Variants in PPFIA1 observed in about 807,000 individuals in gnomAD.
PPFIA1 encodes PPFI scaffold protein A1.
PPFIA1 carries 25 observed loss-of-function variants against 149.9 expected under a neutral mutation model. The observed-to-expected ratio is 0.17, with a 90% confidence interval of 0.12 to 0.23. PPFIA1 has a LOEUF of 0.23. Among genes scored for constraint, PPFIA1 ranks in the 10% least tolerant of loss-of-function variants. PPFIA1 has a pLI of 1.00. For synonymous variants in PPFIA1, 549 were observed against 552.8 expected (o/e 0.99, Z 0.10); for missense variants, 1,362 against 1,506.5 (o/e 0.90, Z 1.59).
At chr11:70,376,476 C>T (rs2057495485) in intron 24 of PPFIA1, 56 bp from the exon 25 acceptor site, 20 of 1,506,398 alleles carry the variant, frequency 1.3e-5, no homozygotes, top group Non-Finnish European at 1.8e-5. Context: ...ACGATGCTAA[C>T]ACCCTTCAAA....
intron 19 of PPFIA1, among the ~76,000 whole-genome samples, chr11:70,360,963 G>A (rs1187444514): frequency 6.6e-6 from 1 of 152,140 alleles, no homozygotes; most frequent in Non-Finnish European, 1.5e-5. Context: ...TAGCCTCTTT[G>A]AAAGCCTTGT....
intron 26 of PPFIA1, among the ~76,000 whole-genome samples, chr11:70,379,119 C>T (rs1473367492): frequency 6.6e-6 from 1 of 152,082 alleles, no homozygotes; most frequent in African/African-American, 2.4e-5. Flanking sequence ...GTTCTGAGCC[C>T]GTGTCAGTCG....
At chr11:70,310,310 C>T (rs1268847787) in intron 2 of PPFIA1, among the ~76,000 whole-genome samples, 1 of 151,918 alleles carries the variant, frequency 6.6e-6, no homozygotes, top group African/African-American at 2.4e-5. Flanking sequence ...TTTAGAAACA[C>T]ACAAATGCAC....
chr11:70,360,932 CTT>C (rs927646219), intron 19 of PPFIA1, among the ~76,000 whole-genome samples: 15 of 152,200 alleles, frequency 9.9e-5, no homozygotes, highest in African/African-American at 2.7e-4. Context: ...CTCTCTGAGA[CTT>C]TTTATTTTTT....
intron 19 of PPFIA1, among the ~76,000 whole-genome samples, chr11:70,359,015 A>G (rs1007945711): frequency 3.3e-5 from 5 of 152,022 alleles, no homozygotes; most frequent in African/African-American, 1.2e-4. Context: ...GACTCGGGAG[A>G]TTTGCTGGGC....
At chr11:70,346,178 GAC>G (rs1459824788) in intron 15 of PPFIA1, among the ~76,000 whole-genome samples, 4 of 152,222 alleles carry the variant, frequency 2.6e-5, no homozygotes, top group African/African-American at 7.2e-5. Context: ...TTGGCCTAGG[GAC>G]ACAGCAGTGT....
intron 7 of PPFIA1, among the ~76,000 whole-genome samples, chr11:70,329,459 A>G (rs4980779): frequency 2.0e-5 from 3 of 151,784 alleles, no homozygotes; most frequent in Non-Finnish European, 2.9e-5. Context: ...TTATTTATTT[A>G]TTTTTGAGAC....
intron 26 of PPFIA1, chr11:70,378,653 T>G: frequency 5.5e-6 from 1 of 182,714 alleles, no homozygotes; most frequent in African/African-American, 2.4e-5. Flanking sequence ...TGCCTATGCT[T>G]TCTGCCCTCC....
rs1264510192 is a variant in PPFIA1, at chr11:70,382,431, CTG to C, written c.*12+276_*12+277del. Among the ~76,000 whole-genome samples the C allele has an allele frequency of 7.9e-5, 12 of 152,040 alleles. No individual in the cohort carries two copies. In the South Asian group the frequency reaches 2.5e-3, roughly 32 times the overall value. On this transcript the variant is annotated intron_variant, in intron 27 of 27. Transcript: ENST00000253925. ...GAAAATGCTGACTCATTTTAATTGT[CTG>C]TGGATGTCATGGGGGTGGAGTGGGG...
At chr11:70,305,594 C>T (rs1014953849) in intron 2 of PPFIA1, among the ~76,000 whole-genome samples, 1 of 152,120 alleles carries the variant, frequency 6.6e-6, no homozygotes, top group African/African-American at 2.4e-5. Flanking sequence ...TGGTCTCGAA[C>T]TCCTGAGGTC....
rs1293264198 is a variant in PPFIA1 at position 70,312,560 on chromosome 11, G to A, written c.265-11842G>A. ...CAGGAGTGTTGATTCAGCAAGGTGAGGCCCAGGAGTCTGCATTTGAATCAG... is the reference window on the plus strand; with the variant it reads ...CAGGAGTGTTGATTCAGCAAGGTGAAGCCCAGGAGTCTGCATTTGAATCAG... On this transcript the variant is annotated intron_variant, in intron 2 of 27. Coordinates refer to ENST00000253925, the MANE Select transcript of PPFIA1 (RefSeq NM_003626.5). 3.3e-5 allele frequency among the ~76,000 whole-genome samples: 5 copies of A among 152,138 alleles called. No individual in the cohort carries two copies. The South Asian group carries it at 1.0e-3, about 31-fold the overall frequency.
At chr11:70,376,281 A>T (rs2057488003) in intron 24 of PPFIA1, among the ~76,000 whole-genome samples, 1 of 151,976 alleles carries the variant, frequency 6.6e-6, no homozygotes, top group Non-Finnish European at 1.5e-5. Flanking sequence ...GAGCCACCAC[A>T]CCCAGGCCCT....
At chr11:70,332,898 G>T (rs1308463574) in intron 9 of PPFIA1, 1 of 399,162 alleles carries the variant, frequency 2.5e-6, no homozygotes, top group Non-Finnish European at 5.2e-6. Flanking sequence ...TCACACACCT[G>T]TTCCTTCTAG....
chr11:70,283,838 G>A (rs2050926021), intron 2 of PPFIA1: 2 of 430,968 alleles, frequency 4.6e-6, no homozygotes, highest in Admixed American at 5.8e-5. Context: ...GGTATTTGTG[G>A]TTGTCACAGC....
intron 2 of PPFIA1, among the ~76,000 whole-genome samples, chr11:70,320,436 CTTTT>C (rs34619705): frequency 1.6e-4 from 21 of 128,338 alleles, no homozygotes; most frequent in Non-Finnish European, 2.6e-4. Context: ...GATGTAGCTA[CTTTT>C]TTTTTTTTTT....
At chr11:70,365,417 C>T (rs749901349) in intron 21 of PPFIA1, 2 of 456,468 alleles carry the variant, frequency 4.4e-6, no homozygotes, top group African/African-American at 2.0e-5. Flanking sequence ...TGGAAACGCT[C>T]GCAGCCACGC....
In PPFIA1 at chr11:70,324,695, A is replaced by G. The variant is rs141287921; in HGVS notation, c.367-152A>G. On this transcript the variant is annotated intron_variant, in intron 3 of 27. Coordinates refer to ENST00000253925, the MANE Select transcript of PPFIA1 (RefSeq NM_003626.5). Reference sequence around the variant, plus strand: ...TTGAAATTTGTGATGAGAATTTATGATATTTTAATACAATTGAGAGGAATT... The same window carrying G: ...TTGAAATTTGTGATGAGAATTTATGGTATTTTAATACAATTGAGAGGAATT... The G allele has an allele frequency of 3.6e-5, 33 of 912,780 alleles. No individual in the cohort carries two copies. In the African/African-American group the frequency reaches 5.2e-4, roughly 14 times the overall value. 56.5% of individuals were successfully genotyped at this position (912,780 alleles called of 1,614,324 possible).
chr11:70,350,266 C>T (rs966860808), intron 16 of PPFIA1, among the ~76,000 whole-genome samples: 6 of 152,160 alleles, frequency 3.9e-5, no homozygotes, highest in African/African-American at 1.4e-4. Context: ...TCCTACATAA[C>T]TAATCTAAGC....
intron 26 of PPFIA1, among the ~76,000 whole-genome samples, chr11:70,380,222 A>G (rs1252606499): frequency 6.6e-6 from 1 of 151,398 alleles, no homozygotes; most frequent in Non-Finnish European, 1.5e-5. Flanking sequence ...AGCCTGGCCA[A>G]CGTGGTGAGA....
Sources: gnomAD v4.1 joint callset for allele counts (sites outside exome capture counted in the v4.1 genomes callset) on GRCh38, gnomAD v4.1.1 for gene constraint, MANE v1.5 for transcripts, NCBI Gene and HGNC (gene_info 2026-07-23, HGNC 2026-07-21) for gene names.